The following KHDRBS2 variants were observed in gnomAD, a reference collection of about 807,000 sequenced individuals.
KHDRBS2 encodes the protein KH domain-containing, RNA-binding, signal transduction-associated protein 2.
In KHDRBS2, 26 loss-of-function variants were observed where a neutral mutation model predicts 44.3. The observed-to-expected ratio is 0.59, with a 90% CI of 0.43 to 0.81. The LOEUF is 0.81. KHDRBS2 is among the 40% of genes least tolerant of loss of function. The pLI, the probability that KHDRBS2 is intolerant of heterozygous loss-of-function variation, is 0.00. For synonymous variants in KHDRBS2, 194 were observed against 151.1 expected (o/e 1.28, Z -2.08); for missense variants, 476 against 433.1 (o/e 1.10, Z -0.88).
At chr6:62,202,368 C>A (rs1563056110) in intron 1 of KHDRBS2, among the ~76,000 whole-genome samples, 1 of 151,996 alleles carries the variant, frequency 6.6e-6, no homozygotes, top group Non-Finnish European at 1.5e-5. Context: ...AAGTTTTTAT[C>A]TTTATATATC....
At chr6:62,038,927 T>C (rs1457723737) in intron 3 of KHDRBS2, among the ~76,000 whole-genome samples, 1 of 152,032 alleles carries the variant, frequency 6.6e-6, no homozygotes, top group Non-Finnish European at 1.5e-5. Flanking sequence ...AATTACCCAT[T>C]AATTAATAAT....
chr6:62,199,815 C>T (rs534616357), intron 1 of KHDRBS2, among the ~76,000 whole-genome samples: 474 of 152,258 alleles, frequency 3.1e-3, no homozygotes, highest in Admixed American at 4.6e-3. Flanking sequence ...GGAGGCATCA[C>T]GCTACCTGAC....
intron 1 of KHDRBS2, among the ~76,000 whole-genome samples, chr6:62,224,686 AT>A (rs747070006): frequency 2.0e-5 from 3 of 152,300 alleles, no homozygotes; most frequent in Non-Finnish European, 4.4e-5. Context: ...TATCTGAGAA[AT>A]TTTGTATGAA....
chr6:61,909,706 T>A (rs1805699119), intron 4 of KHDRBS2, among the ~76,000 whole-genome samples: 1 of 152,200 alleles, frequency 6.6e-6, no homozygotes, highest in Non-Finnish European at 1.5e-5. Flanking sequence ...ATATTTAATG[T>A]ATATGCATAA....
intron 4 of KHDRBS2, among the ~76,000 whole-genome samples, chr6:61,924,160 C>G (rs1318664795): frequency 6.6e-6 from 1 of 151,840 alleles, no homozygotes; most frequent in Non-Finnish European, 1.5e-5. Context: ...TTCAAGAAGA[C>G]TAAATAAAAA....
chr6:62,112,861 C>T lies in KHDRBS2; in HGVS notation c.219+64324G>A, dbSNP rs554859681. 1.4e-3 allele frequency among the ~76,000 whole-genome samples: 215 copies of T among 152,128 alleles called. 1 individual carries two copies. Among genetic ancestry groups the T allele is most frequent in the Non-Finnish European group, 2.4e-3 (160 of 67,964 alleles). On this transcript the variant is annotated intron_variant, in intron 2 of 8. Coordinates refer to ENST00000281156, the MANE Select transcript of KHDRBS2 (RefSeq NM_152688.4). The stretch of plus-strand genomic sequence containing the variant: ...AAAATTATCTTTAGCTAGTGATCTT[C>T]CCTGGAATTATCATGTAGGTGAAAA...
At chr6:61,729,254 A>T (rs543917540) in intron 7 of KHDRBS2, among the ~76,000 whole-genome samples, 68 of 152,160 alleles carry the variant, frequency 4.5e-4, no homozygotes, top group African/African-American at 1.6e-3. Flanking sequence ...ACATATTCCC[A>T]CTTATAAGTG....
At chr6:61,997,816 T>C (rs1375160298) in intron 3 of KHDRBS2, among the ~76,000 whole-genome samples, 4 of 152,178 alleles carry the variant, frequency 2.6e-5, no homozygotes, top group Non-Finnish European at 2.9e-5. Flanking sequence ...TGACATTCTG[T>C]TGCCATTCTC....
intron 1 of KHDRBS2, among the ~76,000 whole-genome samples, chr6:62,191,110 C>A (rs1389490911): frequency 6.6e-6 from 1 of 152,152 alleles, no homozygotes. Flanking sequence ...CCTGGCTGTA[C>A]TAAGCATTCA....
chr6:62,230,494 T>C (rs1272488895), intron 1 of KHDRBS2, among the ~76,000 whole-genome samples: 2 of 152,198 alleles, frequency 1.3e-5, no homozygotes, highest in East Asian at 1.9e-4. Context: ...TTGAACAGAC[T>C]ATAGCAATAT....
At chr6:61,670,945 C>G in the KHDRBS2 span, among the ~76,000 whole-genome samples, 1 of 151,596 alleles carries the variant, frequency 6.6e-6, no homozygotes, top group Non-Finnish European at 1.5e-5. Flanking sequence ...ACACTGCACT[C>G]TCCCACATAG....
At chr6:61,687,894 G>A (rs1262631059) in intron 8 of KHDRBS2, among the ~76,000 whole-genome samples, 1 of 151,530 alleles carries the variant, frequency 6.6e-6, no homozygotes, top group Non-Finnish European at 1.5e-5. Context: ...TCCCAGGTGA[G>A]GCCACTGTGA....
At chr6:61,630,793 GA>G in the KHDRBS2 span, among the ~76,000 whole-genome samples, 1 of 152,110 alleles carries the variant, frequency 6.6e-6, no homozygotes, top group African/African-American at 2.4e-5. Flanking sequence ...AAACATGGGG[GA>G]CATAAACTGT....
intron 7 of KHDRBS2, among the ~76,000 whole-genome samples, chr6:61,714,472 C>A (rs550351844): frequency 6.6e-6 from 1 of 151,864 alleles, no homozygotes; most frequent in African/African-American, 2.4e-5. Context: ...TATATGGAAA[C>A]TAGTATGTAG....
At chr6:61,550,026 CAG>C in the KHDRBS2 span, among the ~76,000 whole-genome samples, 1 of 152,092 alleles carries the variant, frequency 6.6e-6, no homozygotes, top group Admixed American at 6.6e-5. Context: ...CCTCTATGCA[CAG>C]AGTTTCTAAG....
At chr6:62,262,147 T>C (rs1245383157) in intron 1 of KHDRBS2, among the ~76,000 whole-genome samples, 2 of 151,744 alleles carry the variant, frequency 1.3e-5, no homozygotes, top group East Asian at 3.9e-4. Context: ...TTCTGTATCT[T>C]CTCTCAGTTC....
chr6:62,198,413 G>A (rs536177261), intron 1 of KHDRBS2, among the ~76,000 whole-genome samples: 2 of 152,196 alleles, frequency 1.3e-5, no homozygotes, highest in South Asian at 2.1e-4. Flanking sequence ...TATCACCACC[G>A]ATGCCACAGA....
chr6:61,892,360 C>T (rs1802009392), intron 6 of KHDRBS2, among the ~76,000 whole-genome samples: 1 of 152,174 alleles, frequency 6.6e-6, no homozygotes, highest in Admixed American at 6.5e-5. Context: ...CCATCCCCAT[C>T]AAGCTACCAA....
At chr6:61,606,193 C>G in the KHDRBS2 span, among the ~76,000 whole-genome samples, 1 of 152,286 alleles carries the variant, frequency 6.6e-6, no homozygotes, top group South Asian at 2.1e-4. Context: ...CGGACTCAGC[C>G]TGCCTGCACC....
Sources: allele counts gnomAD v4.1 joint callset (sites outside exome capture counted in the v4.1 genomes callset), GRCh38; gene constraint gnomAD v4.1.1; transcripts MANE v1.5; gene names NCBI Gene and HGNC (gene_info 2026-07-23, HGNC 2026-07-21).